Variants in GLT6D1 observed in about 807,000 individuals in gnomAD.
GLT6D1 encodes glycosyltransferase 6 domain containing 1.
Under a neutral mutation model 12.3 loss-of-function variants are expected in GLT6D1, and 9 were observed. The ratio of observed to expected loss-of-function variants is 0.73; its 90% CI spans 0.44 to 1.27. The LOEUF (loss-of-function observed/expected upper bound fraction) is 1.27. Among genes scored for constraint, GLT6D1 ranks in the 50% most tolerant of loss-of-function variants. The pLI, the probability that GLT6D1 is intolerant of heterozygous loss-of-function variation, is 0.00. For missense variants in GLT6D1, 335 were observed against 346.2 expected, an observed-to-expected ratio of 0.97 and a Z score of 0.26; for synonymous variants, 128 against 132.3, an observed-to-expected ratio of 0.97 and a Z score of 0.23.
At chr9:135,633,776 TA>T (rs1287091525) in intron 2 of GLT6D1, among the ~76,000 whole-genome samples, 9 of 150,986 alleles carry the variant, frequency 6.0e-5, no homozygotes, top group African/African-American at 1.9e-4. Flanking sequence ...ATTCTTTAAA[TA>T]AATGAAAAAA....
chr9:135,630,208 A>G (rs1048456836), intron 3 of GLT6D1, among the ~76,000 whole-genome samples: 1 of 151,978 alleles, frequency 6.6e-6, no homozygotes, highest in African/African-American at 2.4e-5. Flanking sequence ...GATCGAGACC[A>G]TCCTGGCTAA....
Position 135,624,358 on chromosome 9 carries a change from C to G in GLT6D1, c.570G>C (p.Leu190Phe), listed in dbSNP as rs1564271290. ...ACCACCAGGCGTGGAGCTGGGCCAC[C>G]AACGGGCCCAGGGTCTCCACCCCGA... ...NEFGVETLGPLVAQLHAWWYF... is the reference protein window; with the variant it reads ...NEFGVETLGPFVAQLHAWWYF... The change falls in exon 5 of 5, where the codon TTG becomes TTC. Residue 190 changes from leucine to phenylalanine, a missense_variant. Leu to Phe is a conservative substitution (Grantham distance 22). Coordinates refer to ENST00000371763, the MANE Select transcript of GLT6D1 (RefSeq NM_182974.3). The G allele has an allele frequency of 6.2e-7, 1 of 1,613,844 alleles. No homozygotes were observed. Among genetic ancestry groups the G allele is most frequent in the Non-Finnish European group, 8.5e-7 (1 of 1,179,866 alleles).
intron 2 of GLT6D1, among the ~76,000 whole-genome samples, chr9:135,638,165 G>A (rs554577217): frequency 1.3e-5 from 2 of 152,286 alleles, no homozygotes; most frequent in African/African-American, 2.4e-5. Context: ...TGAGAAAGAC[G>A]GAAAAGTGGA....
upstream of GLT6D1, among the ~76,000 whole-genome samples, chr9:135,639,842 CTT>C (rs5901082): frequency 1.8e-3 from 229 of 126,754 alleles, no homozygotes; most frequent in Non-Finnish European, 2.5e-3. Context: ...CTGATTTTCA[CTT>C]TTTTTTTTTT....
chr9:135,630,218 A>C (rs1833609522), intron 3 of GLT6D1, among the ~76,000 whole-genome samples: 1 of 151,986 alleles, frequency 6.6e-6, no homozygotes, highest in African/African-American at 2.4e-5. Context: ...ATCCTGGCTA[A>C]TACGGTGAAA....
chr9:135,639,953 C>T (rs1327847262), upstream of GLT6D1, among the ~76,000 whole-genome samples: 1 of 151,666 alleles, frequency 6.6e-6, no homozygotes, highest in Non-Finnish European at 1.5e-5. Context: ...AAACAGTTCT[C>T]CTGCCTCAGC....
At chr9:135,637,217 TCTC>T (rs373524409) in intron 2 of GLT6D1, among the ~76,000 whole-genome samples, 87 of 151,268 alleles carry the variant, frequency 5.8e-4, no homozygotes, top group African/African-American at 2.0e-3. Context: ...TGTTTATCCT[TCTC>T]CTATTGAAAG....
At chr9:135,636,298 G>A (rs1381295965) in intron 2 of GLT6D1, among the ~76,000 whole-genome samples, 1 of 152,202 alleles carries the variant, frequency 6.6e-6, no homozygotes, top group Non-Finnish European at 1.5e-5. Context: ...AAGTTGTGGT[G>A]AGTTGAGATC....
Position 135,623,884 on chromosome 9 carries a change from T to G in GLT6D1, c.*213A>C. On this transcript the variant is annotated 3_prime_UTR_variant, in exon 5 of 5. Coordinates refer to ENST00000371763, the MANE Select transcript of GLT6D1 (RefSeq NM_182974.3). ...TGGCTCAAAATGGCAAGAAGAAACATTTATTTGGGAAGGATGTAAATTTGT... is the reference window on the plus strand; with the variant it reads ...TGGCTCAAAATGGCAAGAAGAAACAGTTATTTGGGAAGGATGTAAATTTGT... The G allele has an allele frequency of 1.0e-5, 5 of 479,544 alleles. No homozygotes were observed. Among genetic ancestry groups the G allele is most frequent in the Non-Finnish European group, 1.5e-5 (4 of 272,482 alleles). The allele number at this position is 479,544 out of a possible 1,614,324, so 29.7% of individuals were successfully genotyped here. A position where few individuals can be genotyped will look rare whatever the true frequency, so the allele number is the denominator to read the frequency against.
chr9:135,639,717 A>G (rs1833853213), upstream of GLT6D1, among the ~76,000 whole-genome samples: 1 of 151,756 alleles, frequency 6.6e-6, no homozygotes, highest in Non-Finnish European at 1.5e-5. Context: ...GGAAGTCTGG[A>G]CTCTCACCAG....
Position 135,626,186 on chromosome 9 carries a change from G to T in GLT6D1, c.140C>A (p.Thr47Lys), listed in dbSNP as rs1471478603. The change falls in exon 4 of 5, where the codon ACG becomes AAG. Residue 47 changes from threonine to lysine, a missense_variant. Transcript: ENST00000371763. The stretch of plus-strand genomic sequence containing the variant: ...GACAGGAGCGAGCCAGTCTGTTTTC[G>T]TTATAACATCAGGGCGTTTTCTGTG... ...FHPRKRPDVI[T>K]KTDWLAPVLW... 1 of 1,613,754 alleles carries T rather than the reference G, an allele frequency of 6.2e-7. No individual in the cohort carries two copies. The highest frequency in any genetic ancestry group is 1.3e-5 in the African/African-American group (1 of 74,890).
In GLT6D1 at chr9:135,626,112, T is replaced by A. The variant is rs375294364; in HGVS notation, c.214A>T (p.Arg72Trp). 2.1e-4 allele frequency: 344 copies of A among 1,614,050 alleles called. No homozygotes were observed. Among genetic ancestry groups the A allele is most frequent in the Non-Finnish European group, 2.8e-4 (333 of 1,180,024 alleles). Residue 72 changes from arginine (R) to tryptophan (W), a missense_variant, in exon 4 of 5, where the codon AGG becomes TGG. Arg to Trp is a moderately radical substitution (Grantham distance 101). Coordinates refer to ENST00000371763, the MANE Select transcript of GLT6D1 (RefSeq NM_182974.3). ...GCCAGGCCCACAGTGATATTCCGCC[T>A]TCTGTAATGTTTTTCCAGGACCCGC... ...DRRVLEKHYR[R>W]RNITVGLAVF...
At chr9:135,626,352 G>A (rs990138052) in intron 3 of GLT6D1, 146 bp from the exon 4 acceptor site, 1 of 799,818 alleles carries the variant, frequency 1.3e-6, no homozygotes, top group Non-Finnish European at 2.0e-6. Flanking sequence ...ATTCATCCTT[G>A]CAACGCCCTA....
intron 3 of GLT6D1, 42 bp downstream of exon 3, chr9:135,631,389 T>C (rs1326859168): frequency 6.8e-7 from 1 of 1,463,260 alleles, no homozygotes. Flanking sequence ...AATTGAAGTA[T>C]ATTGTTTGTG....
At position 135,624,760 on chromosome 9, in the gene GLT6D1, C is replaced by G. The variant is rs567374802; in HGVS notation, c.258-90G>C. On this transcript the variant is annotated intron_variant, in intron 4 of 4. Transcript: ENST00000371763. ...TTTTTTTTTTTTTGAGATGGAGTCT[C>G]CCTCTGATGCCCAGGCTGGAGTGCA... The G allele has an allele frequency of 5.3e-5, 43 of 812,282 alleles. No individual in the cohort carries two copies. In the East Asian group the frequency reaches 1.2e-3, roughly 23 times the overall value. The allele number at this position is 812,282 out of a possible 1,614,324, so 50.3% of individuals were successfully genotyped here.
At chr9:135,631,983 C>T (rs1833658637) in intron 2 of GLT6D1, among the ~76,000 whole-genome samples, 2 of 152,210 alleles carry the variant, frequency 1.3e-5, no homozygotes, top group Admixed American at 6.5e-5. Flanking sequence ...AGCCATCCTC[C>T]CACCTCAACC....
chr9:135,631,714 G>A (rs1444943974), intron 2 of GLT6D1, among the ~76,000 whole-genome samples: 1 of 151,950 alleles, frequency 6.6e-6, no homozygotes, highest in Non-Finnish European at 1.5e-5. Context: ...GAAAGAGTAT[G>A]AGTGTTGGGA....
chr9:135,624,097 C>G lies in GLT6D1; in HGVS notation c.831G>C (p.Ter277TyrextTer32). Residue 277 changes from the stop codon to tyrosine, a stop_lost, in exon 5 of 5, where the codon TAG becomes TAC. Transcript: ENST00000371763. ...CCCAGCTGTATGCTGGTGATAACAG[C>G]TAGGTGGGTTTATTGAGGTAAAAAT... The part of the protein sequence containing the change: ...NKYFYLNKPT[*>Y] 6.3e-7 allele frequency: 1 copy of G among 1,598,546 alleles called. No homozygotes were observed. Among genetic ancestry groups the G allele is most frequent in the Non-Finnish European group, 8.6e-7 (1 of 1,167,622 alleles).
chr9:135,638,676 C>G lies in GLT6D1; in HGVS notation c.71+441G>C, dbSNP rs201995915. Among the ~76,000 whole-genome samples, 4 of 152,272 alleles carry G rather than the reference C, an allele frequency of 2.6e-5. No individual in the cohort carries two copies. In the East Asian group the frequency reaches 7.7e-4, roughly 29 times the overall value. On this transcript the variant is annotated intron_variant, in intron 2 of 4. Coordinates refer to ENST00000371763, the MANE Select transcript of GLT6D1 (RefSeq NM_182974.3). The stretch of plus-strand genomic sequence containing the variant: ...GCATCCCCAGCACCTAGAATACAGC[C>G]TGGCACCTAGAAGGCACTCTGTAAA...
Sources: allele counts gnomAD v4.1 joint callset (sites outside exome capture counted in the v4.1 genomes callset), GRCh38; gene constraint gnomAD v4.1.1; transcripts MANE v1.5; gene names NCBI Gene and HGNC (gene_info 2026-07-23, HGNC 2026-07-21).